Variants in SNAP29 observed in about 807,000 individuals in gnomAD.
SNAP29 encodes the protein synaptosome associated protein 29, also known as synaptosomal-associated protein 29.
A neutral mutation model predicts 27.9 loss-of-function variants in SNAP29; 13 were observed. The observed-to-expected ratio is 0.47, with a 90% CI of 0.30 to 0.74. The LOEUF is 0.74. Ranked by LOEUF, SNAP29 falls within the 30% of genes least tolerant of loss-of-function variation. The pLI is 0.06. For synonymous variants in SNAP29, 119 were observed against 127.1 expected (o/e 0.94, Z 0.43); for missense variants, 368 against 336.5 (o/e 1.09, Z -0.73).
At chr22:20,862,252 T>C (rs961836180) in intron 1 of SNAP29, among the ~76,000 whole-genome samples, 2 of 152,180 alleles carry the variant, frequency 1.3e-5, no homozygotes, top group African/African-American at 4.8e-5. Flanking sequence ...TAACAACTAT[T>C]TAAGGAGACA....
Position 20,881,044 on chromosome 22 carries a change from CA to C in SNAP29, c.435-2del, listed in dbSNP as rs779821849. Reference sequence around the variant, plus strand: ...GTTTTCTTTTTTGTGAACTTTTATCCAAAGATTGAAAGAAGCTATAAGTACA... The same window carrying C: ...GTTTTCTTTTTTGTGAACTTTTATCCAAGATTGAAAGAAGCTATAAGTACA... On this transcript the variant is annotated splice_polypyrimidine_tract_variant and splice_region_variant and intron_variant, in intron 2 of 4. Coordinates refer to ENST00000215730, the MANE Select transcript of SNAP29 (RefSeq NM_004782.4). 6.3e-7 allele frequency: 1 copy of C among 1,596,820 alleles called. No homozygotes were observed.
At chr22:20,873,964 CAAAAAAAAA>C (rs362036) in intron 2 of SNAP29, among the ~76,000 whole-genome samples, 15 of 25,972 alleles carry the variant, frequency 5.8e-4, no homozygotes, top group African/African-American at 2.1e-3. Context: ...GACTCTGTCT[CAAAAAAAAA>C]AAAAAAAAAA....
At position 20,859,344 on chromosome 22, in the gene SNAP29, C is replaced by G. The variant is rs144160898; in HGVS notation, c.234C>G (p.Ser78=). 3.9e-3 allele frequency: 6,273 copies of G among 1,605,804 alleles called. 16 individuals are homozygous for G. The highest frequency in any genetic ancestry group is 5.0e-3 in the Non-Finnish European group (5,844 of 1,172,634). Residue 78 remains serine (S), a synonymous_variant, in exon 1 of 5, where the codon TCC becomes TCG. Coordinates refer to ENST00000215730, the MANE Select transcript of SNAP29 (RefSeq NM_004782.4). The part of the protein sequence containing the change: ...YESEKVGVAS[S]EELARQRGVL... Reference sequence around the variant, plus strand: ...CCGAGAAGGTTGGGGTCGCCTCTTCCGAGGTGAGCCTGGGGCAGGGCTGGT... The same window carrying G: ...CCGAGAAGGTTGGGGTCGCCTCTTCGGAGGTGAGCCTGGGGCAGGGCTGGT...
chr22:20,870,291 G>A, intron 1 of SNAP29, 46 bp from the exon 2 acceptor site: 1 of 1,585,458 alleles, frequency 6.3e-7, no homozygotes, highest in Non-Finnish European at 8.7e-7. Context: ...TGCCCTGGGG[G>A]AGAGTCACAG....
intron 2 of SNAP29, among the ~76,000 whole-genome samples, chr22:20,872,624 C>T (rs165676): frequency 0.49 from 73,820 of 151,574 alleles, 18,451 homozygotes; most frequent in African/African-American, 0.58. Flanking sequence ...ATGGTCTCGA[C>T]CTCCTGACTT....
In SNAP29 at chr22:20,869,952, G is replaced by A. The variant is rs558454530; in HGVS notation, c.238-385G>A. ...CACCTGGCTACTTTTTGTATTTTTAGTAGAGAGGGGGTTTCACCATGTTGG... is the reference window on the plus strand; with the variant it reads ...CACCTGGCTACTTTTTGTATTTTTAATAGAGAGGGGGTTTCACCATGTTGG... On this transcript the variant is annotated intron_variant, in intron 1 of 4. Coordinates refer to ENST00000215730, the MANE Select transcript of SNAP29 (RefSeq NM_004782.4). 3.3e-5 allele frequency among the ~76,000 whole-genome samples: 5 copies of A among 152,196 alleles called. No homozygotes were observed. In the South Asian group the frequency reaches 8.3e-4, roughly 25 times the overall value.
At chr22:20,867,660 C>G (rs188579339) in intron 1 of SNAP29, among the ~76,000 whole-genome samples, 58 of 152,306 alleles carry the variant, frequency 3.8e-4, no homozygotes, top group Admixed American at 1.6e-3. Flanking sequence ...AGTCGCCTGG[C>G]CTTCCAGCCT....
chr22:20,863,745 G>GGT (rs963492946), intron 1 of SNAP29, among the ~76,000 whole-genome samples: 1 of 152,084 alleles, frequency 6.6e-6, no homozygotes, highest in African/African-American at 2.4e-5. Flanking sequence ...CATACAAAAG[G>GGT]GTGTAGTCTT....
At position 20,888,802 on chromosome 22, in the gene SNAP29, CA is replaced by C. The variant is rs1929085968; in HGVS notation, c.*967del. 1 of 152,176 alleles carries C rather than the reference CA, an allele frequency of 6.6e-6. No individual in the cohort carries two copies. Among genetic ancestry groups the C allele is most frequent in the East Asian group, 1.9e-4 (1 of 5,194 alleles). The allele number at this position is 152,176 out of a possible 1,614,324, so 9.4% of individuals were successfully genotyped here. The stretch of plus-strand genomic sequence containing the variant: ...ACCGGGGGTCTCCTGACCTGTCTAG[CA>C]TTCCCACCCACTCTTCTGCACTTCT... On this transcript the variant is annotated 3_prime_UTR_variant, in exon 5 of 5. Transcript: ENST00000215730.
chr22:20,870,504 T>C lies in SNAP29; in HGVS notation c.405T>C (p.Asn135=), dbSNP rs377403456. Residue 135 remains asparagine, a synonymous_variant, in exon 2 of 5, where the codon AAT becomes AAC. Transcript: ENST00000215730. ...CAGTAGAGACCCCACCTGAACAGAA[T>C]GGCACCCTCACCTCCCAGCCCAACA... ...SKPVETPPEQ[N]GTLTSQPNNR... The C allele has an allele frequency of 1.7e-5, 27 of 1,614,026 alleles. No individual in the cohort carries two copies. In the African/African-American group the frequency reaches 3.5e-4, roughly 21 times the overall value.
chr22:20,876,383 A>G (rs921469344), intron 2 of SNAP29, among the ~76,000 whole-genome samples: 6 of 150,076 alleles, frequency 4.0e-5, no homozygotes, highest in Non-Finnish European at 3.0e-5. Flanking sequence ...TCTGCCTCCC[A>G]AGTAGCTGGG....
intron 2 of SNAP29, among the ~76,000 whole-genome samples, chr22:20,872,132 G>A (rs1027637628): frequency 2.6e-5 from 4 of 152,072 alleles, no homozygotes; most frequent in Non-Finnish European, 4.4e-5. Flanking sequence ...CTTTTGGTTT[G>A]ATAGCCTTTT....
At chr22:20,885,553 G>A (rs935716531) in intron 4 of SNAP29, among the ~76,000 whole-genome samples, 34 of 152,244 alleles carry the variant, frequency 2.2e-4, no homozygotes, top group African/African-American at 7.7e-4. Flanking sequence ...GCGAGAAAGG[G>A]AGAGGTTAGG....
At chr22:20,874,833 A>T (rs1161065583) in intron 2 of SNAP29, among the ~76,000 whole-genome samples, 8 of 151,926 alleles carry the variant, frequency 5.3e-5, no homozygotes. Context: ...GATGTTTTAT[A>T]TCCTAATCTT....
intron 2 of SNAP29, among the ~76,000 whole-genome samples, chr22:20,874,690 G>T (rs1000217317): frequency 5.3e-5 from 8 of 151,838 alleles, no homozygotes; most frequent in African/African-American, 1.9e-4. Flanking sequence ...GGGTTGGTTG[G>T]TTTTTTTGGC....
chr22:20,862,434 A>G (rs1928347468), intron 1 of SNAP29, among the ~76,000 whole-genome samples: 2 of 152,188 alleles, frequency 1.3e-5, no homozygotes, highest in Admixed American at 6.5e-5. Flanking sequence ...TGGCCCAGCA[A>G]CAGAGCTCCT....
At chr22:20,873,510 G>T (rs1928646231) in intron 2 of SNAP29, among the ~76,000 whole-genome samples, 1 of 152,140 alleles carries the variant, frequency 6.6e-6, no homozygotes. Flanking sequence ...TAACAAAGCT[G>T]GTGGTGATGG....
intron 2 of SNAP29, chr22:20,870,908 G>A: frequency 6.1e-6 from 2 of 328,404 alleles, no homozygotes; most frequent in Non-Finnish European, 1.2e-5. Flanking sequence ...ATGCCAAGGT[G>A]GGTAGATTGC....
Position 20,870,500 on chromosome 22 carries a change from A to G in SNAP29, c.401A>G (p.Gln134Arg). 1 of 1,614,216 alleles carries G rather than the reference A, an allele frequency of 6.2e-7. No individual in the cohort carries two copies. The highest frequency in any genetic ancestry group is 8.5e-7 in the Non-Finnish European group (1 of 1,180,036). The part of the protein sequence containing the change: ...KSKPVETPPE[Q>R]NGTLTSQPNN... ...AAACCAGTAGAGACCCCACCTGAAC[A>G]GAATGGCACCCTCACCTCCCAGCCC... Residue 134 changes from glutamine to arginine, a missense_variant, in exon 2 of 5, where the codon CAG (glutamine) becomes CGG (arginine). Coordinates refer to ENST00000215730, the MANE Select transcript of SNAP29 (RefSeq NM_004782.4).
Sources: allele counts gnomAD v4.1 joint callset (sites outside exome capture counted in the v4.1 genomes callset), GRCh38; gene constraint gnomAD v4.1.1; transcripts MANE v1.5; gene names NCBI Gene and HGNC (gene_info 2026-07-23, HGNC 2026-07-21).